Variants in TRPM1 observed in about 807,000 individuals in gnomAD.
The protein encoded by TRPM1 is TRPM1-203 APA Isoform, Intron 10.
Under a neutral mutation model 149.4 loss-of-function variants are expected in TRPM1, and 113 were observed. The observed-to-expected ratio is 0.76, with a 90% CI of 0.65 to 0.88. TRPM1 has a LOEUF of 0.88. Ranked by LOEUF, TRPM1 falls within the 40% of genes least tolerant of loss-of-function variation. The pLI, the probability that TRPM1 is intolerant of heterozygous loss-of-function variation, is 0.00. For synonymous variants in TRPM1, 741 were observed against 759.5 expected (o/e 0.98, Z 0.40); for missense variants, 1,976 against 2,038.7 (o/e 0.97, Z 0.59).
At chr15:31,108,049 G>A (rs1382731112) in intron 1 of TRPM1, among the ~76,000 whole-genome samples, 2 of 151,860 alleles carry the variant, frequency 1.3e-5, no homozygotes, top group Admixed American at 6.6e-5. Flanking sequence ...GTAGAGATGG[G>A]GTTTCACCAT....
In TRPM1 at chr15:31,066,156, C is replaced by T. The variant is rs781324369; in HGVS notation, c.710G>A (p.Gly237Asp). 1.2e-6 allele frequency: 2 copies of T among 1,614,026 alleles called. No individual in the cohort carries two copies. The highest frequency in any genetic ancestry group is 1.1e-5 in the South Asian group (1 of 91,088). ...CTCGGCGCCATACTTGCCCAGGGTG[C>T]CATTGTCAGCCAGGATGAAGTGGGT... ...SHTHFILADN[G>D]TLGKYGAEVK... Residue 237 changes from glycine to aspartate, a missense_variant, in exon 7 of 28, where the codon GGC (glycine) becomes GAC (aspartate). Physicochemically the swap from Gly to Asp is moderately conservative, Grantham distance 94. Around this residue, in one of 3 missense-constraint regions of TRPM1, gnomAD observed 1,332 missense variants for 1,347.1 expected, o/e 0.99. Coordinates refer to ENST00000256552, the MANE Select transcript of TRPM1 (RefSeq NM_001252024.2).
At chr15:31,127,852 CG>C (rs2035970772) in intron 1 of TRPM1, among the ~76,000 whole-genome samples, 1 of 152,112 alleles carries the variant, frequency 6.6e-6, no homozygotes, top group Non-Finnish European at 1.5e-5. Flanking sequence ...AACAAGGACG[CG>C]AACCAGTGGG....
At chr15:31,020,704 C>T (rs80235193) in intron 27 of TRPM1, among the ~76,000 whole-genome samples, 7 of 152,262 alleles carry the variant, frequency 4.6e-5, no homozygotes, top group African/African-American at 1.4e-4. Flanking sequence ...TGTATGTGGA[C>T]TTTTCATTAG....
intron 1 of TRPM1, among the ~76,000 whole-genome samples, chr15:31,098,927 T>A (rs2035454519): frequency 6.6e-6 from 1 of 152,288 alleles, no homozygotes; most frequent in East Asian, 1.9e-4. Flanking sequence ...AGGGGAGTGC[T>A]GTGGCCTGAT....
chr15:31,131,841 CCT>C (rs771834719), intron 1 of TRPM1, among the ~76,000 whole-genome samples: 43 of 151,888 alleles, frequency 2.8e-4, no homozygotes, highest in Non-Finnish European at 5.0e-4. Context: ...CCTGCTGCCC[CCT>C]CTCTGGGCTC....
At chr15:31,016,229 C>T (rs547196173) in intron 27 of TRPM1, among the ~76,000 whole-genome samples, 1 of 152,170 alleles carries the variant, frequency 6.6e-6, no homozygotes, top group African/African-American at 2.4e-5. Flanking sequence ...ACAAAATATG[C>T]CAATACCCTC....
chr15:31,065,496 T>A (rs778638009), intron 7 of TRPM1, among the ~76,000 whole-genome samples: 2 of 152,190 alleles, frequency 1.3e-5, no homozygotes, highest in Non-Finnish European at 2.9e-5. Context: ...GTTATCATTG[T>A]TTCTTCTGGT....
At chr15:31,050,761 C>T (rs763074989) in intron 11 of TRPM1, among the ~76,000 whole-genome samples, 179 bp from the exon 12 acceptor site, 25 of 152,128 alleles carry the variant, frequency 1.6e-4, no homozygotes, top group Non-Finnish European at 2.2e-4. Context: ...CAGGTGCACA[C>T]GGACTCCATC....
chr15:31,053,881 A>G (rs889578619), intron 11 of TRPM1, among the ~76,000 whole-genome samples: 1 of 152,246 alleles, frequency 6.6e-6, no homozygotes, highest in Non-Finnish European at 1.5e-5. Flanking sequence ...GTCTATCCAT[A>G]TAATGGAATA....
chr15:31,041,882 C>T, intron 17 of TRPM1, 69 bp downstream of exon 17: 1 of 1,561,048 alleles, frequency 6.4e-7, no homozygotes, highest in Non-Finnish European at 8.8e-7. Context: ...ATTGGCCACC[C>T]CTCCCTGCAG....
At chr15:31,036,040 A>C in intron 20 of TRPM1, 1 of 328,936 alleles carries the variant, frequency 3.0e-6, no homozygotes. Flanking sequence ...AATGTTACTT[A>C]CTCCTCCCTG....
chr15:31,144,900 G>C (rs937724393), intron 1 of TRPM1, among the ~76,000 whole-genome samples: 4 of 151,934 alleles, frequency 2.6e-5, no homozygotes, highest in African/African-American at 9.7e-5. Flanking sequence ...ATTTTTAGGA[G>C]AGATGGGGTT....
At chr15:31,104,654 C>T (rs181164758), upstream of TRPM1, among the ~76,000 whole-genome samples, 9 of 138,394 alleles carry the variant, frequency 6.5e-5, no homozygotes, top group East Asian at 8.8e-4. Context: ...AGTGCAGTGG[C>T]GCCATCTCGG....
chr15:31,160,844 A>G, intron 1 of TRPM1: 1 of 1,506,554 alleles, frequency 6.6e-7, no homozygotes, highest in Non-Finnish European at 8.9e-7. Flanking sequence ...ACAGAGCTGG[A>G]GACCAGTGTC....
chr15:31,140,592 T>G (rs1277866453), intron 1 of TRPM1, among the ~76,000 whole-genome samples: 1 of 152,154 alleles, frequency 6.6e-6, no homozygotes, highest in African/African-American at 2.4e-5. Flanking sequence ...TCTCCATCCT[T>G]CTTGCTTCTT....
intron 27 of TRPM1, among the ~76,000 whole-genome samples, chr15:31,006,099 A>G (rs1322635566): frequency 1.3e-5 from 2 of 152,256 alleles, no homozygotes; most frequent in Non-Finnish European, 2.9e-5. Context: ...TACAGAATAC[A>G]GAAGCATTCC....
At chr15:31,096,594 C>T (rs924504340) in intron 1 of TRPM1, among the ~76,000 whole-genome samples, 1 of 152,202 alleles carries the variant, frequency 6.6e-6, no homozygotes, top group African/African-American at 2.4e-5. Context: ...GAGCTCCCCT[C>T]ATTGCCTGAG....
At chr15:31,119,501 A>G (rs1225761975) in intron 1 of TRPM1, among the ~76,000 whole-genome samples, 1 of 152,176 alleles carries the variant, frequency 6.6e-6, no homozygotes, top group Non-Finnish European at 1.5e-5. Context: ...TTTGTGAAAA[A>G]TGCTAAAAGA....
intron 1 of TRPM1, among the ~76,000 whole-genome samples, chr15:31,153,054 C>T (rs966462403): frequency 3.9e-5 from 6 of 152,192 alleles, no homozygotes; most frequent in Non-Finnish European, 8.8e-5. Flanking sequence ...GTATTTTACC[C>T]TAAAATATAT....
Sources: gnomAD v4.1 joint callset for allele counts (sites outside exome capture counted in the v4.1 genomes callset) on GRCh38, gnomAD v4.1.1 for gene constraint, gnomAD v4.1.1 regional missense constraint, MANE v1.5 for transcripts, NCBI Gene and HGNC (gene_info 2026-07-23, HGNC 2026-07-21) for gene names.